LRRC4C: variants seen among roughly 807,000 people sequenced by gnomAD.
The protein encoded by LRRC4C is leucine-rich repeat-containing protein 4C.
LRRC4C carries 5 observed loss-of-function variants against 33.6 expected under a neutral mutation model. The observed-to-expected ratio is 0.15, with a 90% CI of 0.08 to 0.31. The LOEUF (loss-of-function observed/expected upper bound fraction) is 0.31. Ranked by LOEUF, LRRC4C falls within the 10% of genes least tolerant of loss-of-function variation. LRRC4C has a pLI of 1.00. For synonymous variants in LRRC4C, 329 were observed against 302.0 expected (o/e 1.09, Z -0.93); for missense variants, 560 against 796.7 (o/e 0.70, Z 3.58).
At chr11:40,957,499 C>G (rs1959011132) in intron 1 of LRRC4C, among the ~76,000 whole-genome samples, 1 of 151,724 alleles carries the variant, frequency 6.6e-6, no homozygotes, top group Non-Finnish European at 1.5e-5. Context: ...TTCATAATAG[C>G]TGTATTTTCT....
At chr11:40,734,923 A>T (rs943469226) in intron 2 of LRRC4C, among the ~76,000 whole-genome samples, 7 of 152,116 alleles carry the variant, frequency 4.6e-5, no homozygotes, top group African/African-American at 1.7e-4. Context: ...AATGTGCGCA[A>T]GAACCACCCA....
intron 1 of LRRC4C, among the ~76,000 whole-genome samples, chr11:41,234,448 T>G (rs1947934427): frequency 6.6e-6 from 1 of 152,022 alleles, no homozygotes; most frequent in Non-Finnish European, 1.5e-5. Context: ...AATCATTATG[T>G]TGTACAATAG....
At chr11:41,161,160 G>A (rs1432284711) in intron 1 of LRRC4C, among the ~76,000 whole-genome samples, 6 of 152,114 alleles carry the variant, frequency 3.9e-5, no homozygotes, top group South Asian at 2.1e-4. Flanking sequence ...GTAACGTAGT[G>A]TGCTTTTAAA....
At position 41,322,055 on chromosome 11, in the gene LRRC4C, G is replaced by A. The variant is rs572147270; in HGVS notation, c.-496+137376C>T. Among the ~76,000 whole-genome samples the A allele has an allele frequency of 7.2e-5, 11 of 151,972 alleles. No homozygotes were observed. The Middle Eastern group carries it at 0.01, about 141-fold the overall frequency. ...AATTTTTCTATTTTTAGTAGAGATG[G>A]GGTTTTACCATGTTGGCCAGGCTGG... On this transcript the variant is annotated intron_variant, in intron 1 of 6. Transcript: ENST00000528697.
Position 40,116,227 on chromosome 11 carries a change from T to C in LRRC4C, c.66A>G (p.Leu22=). The C allele has an allele frequency of 1.9e-6, 3 of 1,614,032 alleles. No individual in the cohort carries two copies. Among genetic ancestry groups the C allele is most frequent in the Non-Finnish European group, 2.5e-6 (3 of 1,180,000 alleles). Residue 22 remains leucine (L), a synonymous_variant, in exon 7 of 7, where the codon CTA becomes CTG. Transcript: ENST00000528697. ...GCAGCACCACAAGCAGGGGGTCAAA[T>C]AGGGCCCTGTTAAACCTAGGACCTA... ...IMIGPRFNRA[L]FDPLLVVLLA...
chr11:40,990,045 G>A (rs1388498374), intron 1 of LRRC4C, among the ~76,000 whole-genome samples: 1 of 150,982 alleles, frequency 6.6e-6, no homozygotes, highest in Non-Finnish European at 1.5e-5. Flanking sequence ...AGGGGCTTGA[G>A]TATGCAGAGA....
intron 1 of LRRC4C, among the ~76,000 whole-genome samples, chr11:41,111,662 C>G (rs1941839408): frequency 6.6e-6 from 1 of 151,994 alleles, no homozygotes; most frequent in Non-Finnish European, 1.5e-5. Context: ...AAATTACAGA[C>G]AGGTTGCTCT....
intron 2 of LRRC4C, among the ~76,000 whole-genome samples, chr11:40,822,622 G>C (rs555260077): frequency 6.6e-6 from 1 of 151,654 alleles, no homozygotes; most frequent in Non-Finnish European, 1.5e-5. Flanking sequence ...CCATGCTGTA[G>C]GTTGGCTCTT....
chr11:40,222,818 TG>T (rs1440855122), intron 5 of LRRC4C, among the ~76,000 whole-genome samples: 1 of 151,990 alleles, frequency 6.6e-6, no homozygotes, highest in Admixed American at 6.6e-5. Flanking sequence ...TCTCATTTAG[TG>T]GGGGAAGATC....
At position 40,733,061 on chromosome 11, in the gene LRRC4C, G is replaced by GTTTTTT. The variant is rs544471413; in HGVS notation, c.-406-84789_-406-84784dup. ...GGATCCAAAACCAGTTATGAATATA[G>GTTTTTT]TTTTTTTTTTTTTTTTTTTTTTTTT... On this transcript the variant is annotated intron_variant, in intron 2 of 6. Coordinates refer to ENST00000528697, the MANE Select transcript of LRRC4C (RefSeq NM_001258419.2). Among the ~76,000 whole-genome samples the GTTTTTT allele has an allele frequency of 3.3e-4, 19 of 57,644 alleles. 2 individuals are homozygous for GTTTTTT. Among genetic ancestry groups the GTTTTTT allele is most frequent in the Non-Finnish European group, 4.8e-4 (16 of 33,444 alleles). 37.8% of individuals were successfully genotyped at this position (57,644 alleles called of 152,430 possible). A position where few individuals can be genotyped will look rare whatever the true frequency, so the allele number is the denominator to read the frequency against.
chr11:40,266,036 G>A (rs190121294), intron 4 of LRRC4C, among the ~76,000 whole-genome samples: 13 of 152,282 alleles, frequency 8.5e-5, no homozygotes, highest in African/African-American at 1.9e-4. Context: ...GGTGGCTCAT[G>A]CCTGTAATTC....
intron 4 of LRRC4C, among the ~76,000 whole-genome samples, chr11:40,263,433 C>T (rs1942013380): frequency 6.6e-6 from 1 of 152,150 alleles, no homozygotes; most frequent in Admixed American, 6.6e-5. Context: ...CAAGACCATT[C>T]TGTGGCTCAA....
intron 5 of LRRC4C, among the ~76,000 whole-genome samples, chr11:40,239,710 C>A (rs1438985424): frequency 2.6e-5 from 4 of 152,176 alleles, no homozygotes; most frequent in Non-Finnish European, 5.9e-5. Flanking sequence ...AGCCAGAAAC[C>A]CCAGCCAAAC....
In LRRC4C at chr11:41,408,760, A is replaced by AAAAAACAAACAAAC. The variant is rs1555167151; in HGVS notation, c.-496+50670_-496+50671insGTTTGTTTGTTTTT. Among the ~76,000 whole-genome samples the AAAAAACAAACAAAC allele has an allele frequency of 1.6e-3, 249 of 151,336 alleles. 1 individual carries two copies. Among genetic ancestry groups the AAAAAACAAACAAAC allele is most frequent in the African/African-American group, 5.7e-3 (233 of 40,844 alleles). ...GGTATATTTTTGTAAAAAAAAAAAA[A>AAAAAACAAACAAAC]AAAAAAACTGAGTCTCTCAAAAATT... On this transcript the variant is annotated intron_variant, in intron 1 of 6. Transcript: ENST00000528697.
intron 2 of LRRC4C, among the ~76,000 whole-genome samples, chr11:40,798,713 A>C (rs983894277): frequency 6.7e-6 from 1 of 149,020 alleles, no homozygotes; most frequent in Non-Finnish European, 1.5e-5. Flanking sequence ...GCACGACCTC[A>C]GTTCACTGCA....
intron 2 of LRRC4C, among the ~76,000 whole-genome samples, chr11:40,829,129 A>G (rs140081260): frequency 4.1e-4 from 63 of 152,134 alleles, no homozygotes; most frequent in African/African-American, 1.3e-3. Flanking sequence ...CATAAACTAG[A>G]TATCTTGTTT....
intron 4 of LRRC4C, among the ~76,000 whole-genome samples, chr11:40,309,185 C>T (rs1229211359): frequency 6.6e-6 from 1 of 152,194 alleles, no homozygotes; most frequent in Non-Finnish European, 1.5e-5. Context: ...CAAGTCCTCA[C>T]CCTGCCATCA....
At chr11:41,250,508 C>A (rs1246906298) in intron 1 of LRRC4C, among the ~76,000 whole-genome samples, 1 of 152,066 alleles carries the variant, frequency 6.6e-6, no homozygotes, top group African/African-American at 2.4e-5. Context: ...TGAGTCCTGG[C>A]AAAATAATTA....
intron 1 of LRRC4C, among the ~76,000 whole-genome samples, chr11:40,972,504 A>G (rs1028476224): frequency 1.3e-4 from 20 of 152,118 alleles, no homozygotes; most frequent in African/African-American, 4.8e-4. Context: ...TGGCTAGTGT[A>G]TTAGTTTGTT....
Sources: gnomAD v4.1 joint callset for allele counts (sites outside exome capture counted in the v4.1 genomes callset) on GRCh38, gnomAD v4.1.1 for gene constraint, MANE v1.5 for transcripts, NCBI Gene and HGNC (gene_info 2026-07-23, HGNC 2026-07-21) for gene names.